The following TTC28 variants were observed in gnomAD, a reference collection of about 807,000 sequenced individuals.
The protein encoded by TTC28 is tetratricopeptide repeat protein 28.
Under a neutral mutation model 198.0 loss-of-function variants are expected in TTC28, and 61 were observed. The observed-to-expected ratio is 0.31, with a 90% CI of 0.25 to 0.38. The LOEUF is 0.38. Among genes scored for constraint, TTC28 ranks in the 10% least tolerant of loss-of-function variants. The probability of loss-of-function intolerance (pLI) is 1.00; values close to 1 mark genes in which losing one functional copy is unlikely to be tolerated. For synonymous variants in TTC28, 1,171 were observed against 1,297.8 expected (o/e 0.90, Z 2.10); for missense variants, 2,678 against 3,164.0 (o/e 0.85, Z 3.69).
chr22:28,529,638 C>A (rs1407781883), intron 2 of TTC28, among the ~76,000 whole-genome samples: 4 of 152,238 alleles, frequency 2.6e-5, no homozygotes, highest in African/African-American at 9.6e-5. Flanking sequence ...AGTAGCCTAA[C>A]TGGGAGACAC....
At chr22:28,617,424 G>A (rs2050920964) in intron 2 of TTC28, among the ~76,000 whole-genome samples, 1 of 151,860 alleles carries the variant, frequency 6.6e-6, no homozygotes, top group South Asian at 2.1e-4. Context: ...AGAATCCTTT[G>A]AGCCTGGGAG....
At chr22:28,085,030 T>C (rs903632281) in intron 12 of TTC28, among the ~76,000 whole-genome samples, 6 of 151,886 alleles carry the variant, frequency 4.0e-5, no homozygotes, top group Non-Finnish European at 8.8e-5. Flanking sequence ...CAAATCTACG[T>C]CTGATTGGTG....
intron 5 of TTC28, among the ~76,000 whole-genome samples, chr22:28,287,820 G>A (rs2044712856): frequency 6.6e-6 from 1 of 152,122 alleles, no homozygotes; most frequent in South Asian, 2.1e-4. Flanking sequence ...AACTCAAAGA[G>A]CTTATAGAAG....
chr22:28,425,982 A>G (rs564469448), intron 2 of TTC28, among the ~76,000 whole-genome samples: 1 of 152,264 alleles, frequency 6.6e-6, no homozygotes, highest in African/African-American at 2.4e-5. Flanking sequence ...AGGTTGAGGC[A>G]GATGGATCAC....
intron 2 of TTC28, among the ~76,000 whole-genome samples, chr22:28,591,046 T>C (rs62235672): frequency 4.5e-4 from 19 of 42,028 alleles, no homozygotes; most frequent in Non-Finnish European, 6.3e-4. Flanking sequence ...CACACATATA[T>C]ATATATATAT....
intron 1 of TTC28, chr22:28,643,277 A>G (rs1294689700): frequency 6.6e-6 from 1 of 152,240 alleles, no homozygotes; most frequent in East Asian, 1.9e-4. Flanking sequence ...TGGCATAGAT[A>G]AAGAACATTT....
intron 2 of TTC28, among the ~76,000 whole-genome samples, chr22:28,619,237 T>TA (rs2050951280): frequency 6.6e-6 from 1 of 152,162 alleles, no homozygotes; most frequent in Non-Finnish European, 1.5e-5. Flanking sequence ...AACTTGTATA[T>TA]AAAAAACTCT....
intron 5 of TTC28, among the ~76,000 whole-genome samples, chr22:28,269,782 G>A (rs1931932386): frequency 6.6e-6 from 1 of 152,132 alleles, no homozygotes; most frequent in Non-Finnish European, 1.5e-5. Context: ...TGATAACTGG[G>A]ATAACCAAGT....
At chr22:28,622,356 G>A (rs940363844) in intron 2 of TTC28, among the ~76,000 whole-genome samples, 1 of 152,014 alleles carries the variant, frequency 6.6e-6, no homozygotes, top group African/African-American at 2.4e-5. Flanking sequence ...TTTCAAAGCA[G>A]TTCAACAAAA....
chr22:28,379,408 G>A (rs1402090931), intron 2 of TTC28, among the ~76,000 whole-genome samples: 1 of 152,044 alleles, frequency 6.6e-6, no homozygotes, highest in Admixed American at 6.6e-5. Flanking sequence ...TAAACAAAAT[G>A]TGATATATAC....
In TTC28 at chr22:28,249,369, A is replaced by G. The variant is rs901624620; in HGVS notation, c.933+46829T>C. The stretch of plus-strand genomic sequence containing the variant: ...ATATATGTAAGCTCTAATTATCATC[A>G]CTTCTCATAGGATAGCAAGGCAACT... On this transcript the variant is annotated intron_variant, in intron 5 of 22. Transcript: ENST00000397906. 1.5e-4 allele frequency among the ~76,000 whole-genome samples: 23 copies of G among 152,164 alleles called. 1 individual carries two copies. Among genetic ancestry groups the G allele is most frequent in the East Asian group, 3.9e-4 (2 of 5,194 alleles).
intron 2 of TTC28, among the ~76,000 whole-genome samples, chr22:28,582,946 A>G (rs1041682131): frequency 6.6e-6 from 1 of 152,198 alleles, no homozygotes; most frequent in African/African-American, 2.4e-5. Flanking sequence ...GAAGAAACAC[A>G]CCCTTAATAC....
At chr22:28,523,635 G>A (rs1432996642) in intron 2 of TTC28, among the ~76,000 whole-genome samples, 1 of 152,194 alleles carries the variant, frequency 6.6e-6, no homozygotes, top group Admixed American at 6.5e-5. Context: ...CAGTGAGAGA[G>A]ATGCATCATC....
At chr22:28,326,980 AC>A (rs2045542305) in intron 2 of TTC28, among the ~76,000 whole-genome samples, 1 of 51,986 alleles carries the variant, frequency 1.9e-5, no homozygotes. Flanking sequence ...ACACAAACAC[AC>A]ACACACACAC....
chr22:28,495,545 T>A (rs990120002), intron 2 of TTC28, among the ~76,000 whole-genome samples: 1 of 152,190 alleles, frequency 6.6e-6, no homozygotes, highest in Non-Finnish European at 1.5e-5. Context: ...TTTCTTCCCA[T>A]GCTTCATTTC....
At chr22:28,091,494 A>G (rs1569133812) in intron 12 of TTC28, among the ~76,000 whole-genome samples, 1 of 152,216 alleles carries the variant, frequency 6.6e-6, no homozygotes, top group African/African-American at 2.4e-5. Flanking sequence ...CATACACCCA[A>G]GTACCTTTAT....
At chr22:28,225,277 C>T (rs566919757) in intron 5 of TTC28, among the ~76,000 whole-genome samples, 116 of 151,820 alleles carry the variant, frequency 7.6e-4, no homozygotes, top group Middle Eastern at 3.4e-3. Context: ...ATTGCTTGAA[C>T]CCGAAAGGCG....
chr22:28,044,852 A>G (rs972889322), intron 12 of TTC28, among the ~76,000 whole-genome samples: 11 of 152,210 alleles, frequency 7.2e-5, no homozygotes, highest in African/African-American at 2.7e-4. Flanking sequence ...GTTAAAGTAG[A>G]AATACAGGTT....
rs1226631612 is a variant in TTC28, at chr22:28,032,267, A to ATATATATAAAATATATATATATATATAGT, written c.3933-1902_3933-1901insACTATATATATATATATATTTTATATATA. Among the ~76,000 whole-genome samples the ATATATATAAAATATATATATATATATAGT allele has an allele frequency of 2.8e-4, 22 of 78,706 alleles. 2 individuals carry two copies. The highest frequency in any genetic ancestry group is 5.1e-4 in the African/African-American group (8 of 15,822). The allele number at this position is 78,706 out of a possible 152,430, so 51.6% of individuals were successfully genotyped here. A position where few individuals can be genotyped will look rare whatever the true frequency, so the allele number is the denominator to read the frequency against. The stretch of plus-strand genomic sequence containing the variant: ...ATATATAAAATATATATATATATAT[A>ATATATATAAAATATATATATATATATAGT]GTGTGTGTGTGTGTGTGTGTGTGTG... On this transcript the variant is annotated intron_variant, in intron 12 of 22. Coordinates refer to ENST00000397906, the MANE Select transcript of TTC28 (RefSeq NM_001145418.2).
Sources: gnomAD v4.1 joint callset for allele counts (sites outside exome capture counted in the v4.1 genomes callset) on GRCh38, gnomAD v4.1.1 for gene constraint, MANE v1.5 for transcripts, NCBI Gene and HGNC (gene_info 2026-07-23, HGNC 2026-07-21) for gene names.